PSPH: variants seen among roughly 807,000 people sequenced by gnomAD.
The protein encoded by PSPH is L-3-phosphoserine phosphatase.
Under a neutral mutation model 23.4 loss-of-function variants are expected in PSPH, and 16 were observed. The observed-to-expected ratio is 0.68, with a 90% CI of 0.46 to 1.04. The LOEUF (loss-of-function observed/expected upper bound fraction) is 1.04, where lower values mean the gene tolerates loss of function less well. PSPH is among the 50% of genes least tolerant of loss of function. The probability of loss-of-function intolerance (pLI) is 0.00; values close to 1 mark genes in which losing one functional copy is unlikely to be tolerated. For missense variants in PSPH, 223 were observed against 273.7 expected (o/e 0.81, Z 1.31); for synonymous variants, 68 against 99.7 (o/e 0.68, Z 1.89).
At position 56,028,808 on chromosome 7, in the gene PSPH, C is replaced by A. The variant is rs113367777; in HGVS notation, c.-20+3121G>T. Reference sequence around the variant, plus strand: ...CCTCCCTGTACACTTTTGATTTCCTCCTTCTTAATTTTTATTTTTACTTTT... The same window carrying A: ...CCTCCCTGTACACTTTTGATTTCCTACTTCTTAATTTTTATTTTTACTTTT... On this transcript the variant is annotated intron_variant, in intron 3 of 7. Coordinates refer to ENST00000275605, the MANE Select transcript of PSPH (RefSeq NM_004577.4). Among the ~76,000 whole-genome samples the A allele has an allele frequency of 8.6e-3, 1,311 of 151,904 alleles. 14 individuals are homozygous for A. Among genetic ancestry groups the A allele is most frequent in the Non-Finnish European group, 0.014 (923 of 67,952 alleles).
At chr7:56,048,598 T>G (rs897206247) in intron 1 of PSPH, among the ~76,000 whole-genome samples, 8 of 152,128 alleles carry the variant, frequency 5.3e-5, no homozygotes, top group African/African-American at 1.9e-4. Flanking sequence ...GGGGGATCTG[T>G]GGGTAGAGTA....
At chr7:56,049,997 A>C (rs1377049253) in intron 1 of PSPH, among the ~76,000 whole-genome samples, 1 of 152,186 alleles carries the variant, frequency 6.6e-6, no homozygotes, top group East Asian at 1.9e-4. Flanking sequence ...CGGCTTCCCA[A>C]AGTACTGGGA....
intron 3 of PSPH, among the ~76,000 whole-genome samples, chr7:56,025,076 T>C (rs758657203): frequency 1.8e-4 from 27 of 151,548 alleles, no homozygotes; most frequent in Non-Finnish European, 2.7e-4. Context: ...AGAGCTGGGA[T>C]TACAGGTGTG....
chr7:56,043,677 A>T (rs1792853631), intron 1 of PSPH, among the ~76,000 whole-genome samples: 1 of 119,702 alleles, frequency 8.4e-6, no homozygotes, highest in Non-Finnish European at 1.7e-5. Context: ...CTGTCTCTAC[A>T]ATAAAACAAA....
intron 1 of PSPH, among the ~76,000 whole-genome samples, chr7:56,042,647 T>G (rs1467775279): frequency 7.0e-6 from 1 of 142,114 alleles, no homozygotes; most frequent in Non-Finnish European, 1.5e-5. Context: ...TGGGACCCTG[T>G]CTCAGAAGGA....
intron 1 of PSPH, among the ~76,000 whole-genome samples, chr7:56,038,544 G>A (rs1187690912): frequency 2.0e-5 from 3 of 152,084 alleles, no homozygotes; most frequent in African/African-American, 7.2e-5. Flanking sequence ...GGAGAAACTT[G>A]CATGAGTAAG....
chr7:56,012,204 T>C (rs1221046563), intron 7 of PSPH, among the ~76,000 whole-genome samples: 1 of 147,920 alleles, frequency 6.8e-6, no homozygotes, highest in Non-Finnish European at 1.5e-5. Context: ...TCCTTTTTTG[T>C]TTCTTGAGAC....
intron 5 of PSPH, among the ~76,000 whole-genome samples, chr7:56,017,837 G>A (rs927122560): frequency 5.3e-5 from 8 of 149,784 alleles, no homozygotes; most frequent in Non-Finnish European, 4.4e-5. Flanking sequence ...ATTCTCTTGT[G>A]TCAGCCTCCC....
chr7:56,021,026 T>C, intron 4 of PSPH, 47 bp downstream of exon 4: 1 of 1,390,790 alleles, frequency 7.2e-7, no homozygotes, highest in Non-Finnish European at 9.3e-7. Flanking sequence ...CAGTCACTCT[T>C]TAGAAAGTCT....
chr7:56,031,228 A>AC (rs1307206219), intron 3 of PSPH, among the ~76,000 whole-genome samples: 3 of 151,814 alleles, frequency 2.0e-5, no homozygotes, highest in East Asian at 1.9e-4. Context: ...AAAAAAAAAA[A>AC]AAACAAACAA....
chr7:56,029,697 C>T (rs1456216547), intron 3 of PSPH, among the ~76,000 whole-genome samples: 1 of 152,106 alleles, frequency 6.6e-6, no homozygotes, highest in African/African-American at 2.4e-5. Flanking sequence ...TTACTTCCTT[C>T]ACCTTGTTAG....
intron 1 of PSPH, among the ~76,000 whole-genome samples, 189 bp downstream of exon 1, chr7:56,050,949 C>A (rs747220427): frequency 2.0e-5 from 3 of 152,034 alleles, no homozygotes; most frequent in Non-Finnish European, 4.4e-5. Context: ...AAGGCCGAGG[C>A]GGGAGGATCA....
intron 5 of PSPH, among the ~76,000 whole-genome samples, chr7:56,017,657 C>T (rs1428741693): frequency 6.7e-6 from 1 of 149,054 alleles, no homozygotes; most frequent in East Asian, 2.0e-4. Flanking sequence ...TCCAGCGATT[C>T]TCCTCCTTCA....
chr7:56,022,242 G>C (rs1789572169), intron 3 of PSPH, among the ~76,000 whole-genome samples: 1 of 152,000 alleles, frequency 6.6e-6, no homozygotes, highest in South Asian at 2.1e-4. Context: ...GACTGAAGCA[G>C]GAGAATTACT....
At chr7:56,042,824 A>G (rs1313961767) in intron 1 of PSPH, among the ~76,000 whole-genome samples, 1 of 152,180 alleles carries the variant, frequency 6.6e-6, no homozygotes, top group Non-Finnish European at 1.5e-5. Flanking sequence ...TCTCCAAAAA[A>G]CAGGTAAAAT....
intron 1 of PSPH, among the ~76,000 whole-genome samples, chr7:56,047,924 C>T (rs903476974): frequency 6.6e-6 from 1 of 152,074 alleles, no homozygotes; most frequent in Non-Finnish European, 1.5e-5. Context: ...CCTTGGCCTC[C>T]CAAAGTGCTG....
intron 1 of PSPH, among the ~76,000 whole-genome samples, chr7:56,039,453 TTG>T (rs1792190396): frequency 6.6e-6 from 1 of 152,006 alleles, no homozygotes; most frequent in African/African-American, 2.4e-5. Context: ...TTGCTAACAA[TTG>T]TAATATTTCT....
At chr7:56,015,804 G>A (rs904245082) in intron 6 of PSPH, among the ~76,000 whole-genome samples, 6 of 151,812 alleles carry the variant, frequency 4.0e-5, no homozygotes, top group African/African-American at 7.3e-5. Flanking sequence ...GATTATAGGC[G>A]CATGCCACCA....
chr7:56,011,979 C>G, intron 7 of PSPH, 110 bp from the exon 8 acceptor site: 1 of 828,194 alleles, frequency 1.2e-6, no homozygotes, highest in South Asian at 1.5e-5. Flanking sequence ...AATCTCCACT[C>G]ACTGCAACCT....
Sources: allele counts gnomAD v4.1 joint callset (sites outside exome capture counted in the v4.1 genomes callset), GRCh38; gene constraint gnomAD v4.1.1; transcripts MANE v1.5; gene names NCBI Gene and HGNC (gene_info 2026-07-23, HGNC 2026-07-21).